Variants in PTPRN2 observed in about 807,000 individuals in gnomAD.
The protein encoded by PTPRN2 is protein tyrosine phosphatase receptor type N2.
PTPRN2 carries 74 observed loss-of-function variants against 118.8 expected under a neutral mutation model. The observed-to-expected ratio is 0.62, with a 90% confidence interval of 0.52 to 0.76. The LOEUF is 0.76. Ranked by LOEUF, PTPRN2 falls within the 30% of genes least tolerant of loss-of-function variation. The pLI, the probability that PTPRN2 is intolerant of heterozygous loss-of-function variation, is 0.00. For missense variants in PTPRN2, 1,481 were observed against 1,394.4 expected (o/e 1.06, Z -0.99); for synonymous variants, 641 against 608.0 (o/e 1.05, Z -0.80).
intron 2 of PTPRN2, among the ~76,000 whole-genome samples, chr7:158,421,664 T>C (rs1208424908): frequency 6.6e-6 from 1 of 152,342 alleles, no homozygotes; most frequent in East Asian, 1.9e-4. Context: ...AACAATCTTA[T>C]GGTTTCCATG....
intron 1 of PTPRN2, chr7:158,532,618 C>CAAA (rs55857496): frequency 1.7e-5 from 8 of 458,326 alleles, no homozygotes; most frequent in Admixed American, 2.5e-5. Flanking sequence ...AAGAAAAGAC[C>CAAA]AAAAACGTCA....
At chr7:158,066,777 T>C (rs1159433307) in intron 11 of PTPRN2, among the ~76,000 whole-genome samples, 2 of 152,000 alleles carry the variant, frequency 1.3e-5, no homozygotes, top group African/African-American at 2.4e-5. Flanking sequence ...GGCAGGTGAC[T>C]CTGGACCTCA....
intron 9 of PTPRN2, among the ~76,000 whole-genome samples, chr7:158,126,782 G>T (rs926474262): frequency 3.3e-5 from 5 of 152,208 alleles, no homozygotes; most frequent in Admixed American, 2.6e-4. Flanking sequence ...CGAGGAAGGG[G>T]CTGGGGGAAC....
At position 157,690,816 on chromosome 7, in the gene PTPRN2, C is replaced by T. The variant is rs1323869241; in HGVS notation, c.1789-7879G>A. ...GCACGGGCTCGGAGCCCGCAGGCGC[C>T]GGAGCTCTGCGCGGCCGCTCGGCCC... On this transcript the variant is annotated intron_variant, in intron 12 of 22. Transcript: ENST00000389418. This position sits in a 1 kb window ranked among gnomAD's most constrained non-coding sequence, Gnocchi z 7.1. Among the ~76,000 whole-genome samples the T allele has an allele frequency of 1.1e-4, 17 of 149,312 alleles. No individual in the cohort carries two copies. The highest frequency in any genetic ancestry group is 8.6e-4 in the Admixed American group (13 of 15,040).
chr7:158,080,769 C>T (rs944757513), intron 11 of PTPRN2, among the ~76,000 whole-genome samples: 9 of 152,148 alleles, frequency 5.9e-5, no homozygotes, highest in Admixed American at 4.6e-4. Context: ...ATGCCCAGAA[C>T]CCTGGGCTCT....
chr7:157,835,021 T>C lies in PTPRN2; in HGVS notation c.1788+63652A>G, dbSNP rs78960127. Among the ~76,000 whole-genome samples the C allele has an allele frequency of 4.3e-3, 655 of 152,272 alleles. 7 individuals are homozygous for C. Among genetic ancestry groups the C allele is most frequent in the African/African-American group, 0.015 (618 of 41,542 alleles). On this transcript the variant is annotated intron_variant, in intron 12 of 22. Transcript: ENST00000389418. ...GTGATGAGCTACTTCTTGCCTTTTG[T>C]CAGGAAAAGAAGCTGGATAGATTTC... is the stretch of plus-strand genomic sequence containing the variant.
intron 13 of PTPRN2, among the ~76,000 whole-genome samples, chr7:157,677,197 A>T (rs1796710138): frequency 6.6e-6 from 1 of 152,242 alleles, no homozygotes; most frequent in Non-Finnish European, 1.5e-5. Flanking sequence ...AGGTCAAGGC[A>T]AACATAGGAA....
intron 11 of PTPRN2, among the ~76,000 whole-genome samples, chr7:157,966,987 G>C (rs1801989870): frequency 6.6e-6 from 1 of 152,198 alleles, no homozygotes; most frequent in African/African-American, 2.4e-5. Context: ...TTCTTTGGCT[G>C]CTGTTGTAAC....
chr7:157,540,592 C>T lies in PTPRN2; in HGVS notation c.*122G>A, dbSNP rs911148527. 38 of 720,186 alleles carry T rather than the reference C, an allele frequency of 5.3e-5. No individual in the cohort carries two copies. Among genetic ancestry groups the T allele is most frequent in the East Asian group, 1.5e-4 (5 of 33,302 alleles). 44.6% of individuals were successfully genotyped at this position (720,186 alleles called of 1,614,324 possible). On this transcript the variant is annotated 3_prime_UTR_variant, in exon 23 of 23. Transcript: ENST00000389418. ...TTTAACTGCTAAACTGCGCTGACTACGGGAGAGCTAAGGGCCCTATTACTA... is the reference window on the plus strand; with the variant it reads ...TTTAACTGCTAAACTGCGCTGACTATGGGAGAGCTAAGGGCCCTATTACTA...
intron 14 of PTPRN2, among the ~76,000 whole-genome samples, chr7:157,634,062 C>G (rs1804140121): frequency 1.3e-5 from 2 of 152,136 alleles, no homozygotes; most frequent in South Asian, 4.1e-4. Context: ...GAGAACTGGG[C>G]AGGGTGCACC....
chr7:158,158,500 G>A (rs922754748), intron 6 of PTPRN2, among the ~76,000 whole-genome samples: 1 of 151,734 alleles, frequency 6.6e-6, no homozygotes, highest in Non-Finnish European at 1.5e-5. Context: ...GAGCCCATGT[G>A]ATTGGCCAGG....
Position 157,944,075 on chromosome 7 carries a change from TA to T in PTPRN2, c.1724-45339del. Among the ~76,000 whole-genome samples, 1 of 152,286 alleles carries T rather than the reference TA, an allele frequency of 6.6e-6. No individual in the cohort carries two copies. Among genetic ancestry groups the T allele is most frequent in the African/African-American group, 2.4e-5 (1 of 41,544 alleles). ...ACTGGGCTTCATTTGACATTTCCAG[TA>T]AGTATCAAAAGCTGCTATCACTTCA... On this transcript the variant is annotated intron_variant, in intron 11 of 22. Coordinates refer to ENST00000389418, the MANE Select transcript of PTPRN2 (RefSeq NM_002847.5). The surrounding 1 kb of genome is among the most constrained non-coding windows in gnomAD (Gnocchi z 4.3).
At chr7:157,973,552 C>A (rs1802500106) in intron 11 of PTPRN2, among the ~76,000 whole-genome samples, 1 of 152,184 alleles carries the variant, frequency 6.6e-6, no homozygotes. Flanking sequence ...GCCAAACAAG[C>A]TGTCTACATG....
rs144949478 is a variant in PTPRN2 at position 158,214,341 on chromosome 7, C to T, written c.278-9068G>A. ...GTGGATTCCCTGGGTTTTCTTTTTGCCTCAGGTACCTCAGACTTGGAGTCA... is the reference window on the plus strand; with the variant it reads ...GTGGATTCCCTGGGTTTTCTTTTTGTCTCAGGTACCTCAGACTTGGAGTCA... On this transcript the variant is annotated intron_variant, in intron 3 of 22. Coordinates refer to ENST00000389418, the MANE Select transcript of PTPRN2 (RefSeq NM_002847.5). 6.7e-4 allele frequency among the ~76,000 whole-genome samples: 101 copies of T among 151,044 alleles called. 3 individuals are homozygous for T. The East Asian group carries it at 0.019, about 28-fold the overall frequency.
chr7:158,029,601 A>G (rs1460354118), intron 11 of PTPRN2: 1 of 152,432 alleles, frequency 6.6e-6, no homozygotes, highest in Non-Finnish European at 1.5e-5. Context: ...AAATACAGCA[A>G]GCAGAAATAA....
chr7:157,633,299 C>T (rs372864164), intron 14 of PTPRN2, among the ~76,000 whole-genome samples: 56 of 152,208 alleles, frequency 3.7e-4, no homozygotes, highest in African/African-American at 1.2e-3. Context: ...AACCATCATA[C>T]GAAAACGAAA....
chr7:158,045,956 C>T (rs953599055), intron 11 of PTPRN2, among the ~76,000 whole-genome samples: 56 of 146,520 alleles, frequency 3.8e-4, no homozygotes, highest in African/African-American at 1.4e-3. Context: ...GCGATCCTGG[C>T]ATCCTGACAC....
At chr7:157,582,671 C>T (rs988057427) in intron 17 of PTPRN2, among the ~76,000 whole-genome samples, 1 of 151,916 alleles carries the variant, frequency 6.6e-6, no homozygotes, top group Non-Finnish European at 1.5e-5. Context: ...GTCAGGAGTT[C>T]GAGACCAGCC....
At chr7:157,701,100 C>A (rs1011006644) in intron 12 of PTPRN2, among the ~76,000 whole-genome samples, 1 of 152,248 alleles carries the variant, frequency 6.6e-6, no homozygotes, top group African/African-American at 2.4e-5. Context: ...TCCTTTCACT[C>A]CCAGAGAAAC....
Sources: gnomAD v4.1 joint callset for allele counts (sites outside exome capture counted in the v4.1 genomes callset) on GRCh38, gnomAD v4.1.1 for gene constraint, Gnocchi (gnomAD v3.1) non-coding constraint, MANE v1.5 for transcripts, NCBI Gene and HGNC (gene_info 2026-07-23, HGNC 2026-07-21) for gene names.